The following GOLM1 variants were observed in gnomAD, a reference collection of about 807,000 sequenced individuals.
The protein encoded by GOLM1 is epididymis luminal protein 46.
A neutral mutation model predicts 50.5 loss-of-function variants in GOLM1; 31 were observed. That is an observed-to-expected ratio of 0.61 (90% CI 0.46 to 0.83). The LOEUF (loss-of-function observed/expected upper bound fraction) is 0.83, where lower values mean the gene tolerates loss of function less well. Among genes scored for constraint, GOLM1 ranks in the 40% least tolerant of loss-of-function variants. The pLI is 0.00. For missense variants in GOLM1, 491 were observed against 501.3 expected, an observed-to-expected ratio of 0.98 and a Z score of 0.20; for synonymous variants, 178 against 192.8, an observed-to-expected ratio of 0.92 and a Z score of 0.64.
intron 1 of GOLM1, among the ~76,000 whole-genome samples, chr9:86,086,763 A>G (rs1372915624): frequency 6.6e-6 from 1 of 152,132 alleles, no homozygotes; most frequent in Non-Finnish European, 1.5e-5. Flanking sequence ...AGATGGTTGT[A>G]GATGTGTGGC....
At chr9:86,084,434 C>CTCCT (rs1834886175) in intron 1 of GOLM1, among the ~76,000 whole-genome samples, 1 of 152,134 alleles carries the variant, frequency 6.6e-6, no homozygotes, top group African/African-American at 2.4e-5. Flanking sequence ...CCTCTACAGC[C>CTCCT]TCCTGCCAGG....
intron 3 of GOLM1, among the ~76,000 whole-genome samples, chr9:86,077,109 G>A (rs1169116110): frequency 6.6e-6 from 1 of 151,930 alleles, no homozygotes; most frequent in Non-Finnish European, 1.5e-5. Context: ...TTTAATACAT[G>A]TTTGTGGAAA....
intron 1 of GOLM1, among the ~76,000 whole-genome samples, chr9:86,081,875 C>T (rs979374382): frequency 3.6e-4 from 53 of 148,260 alleles, no homozygotes; most frequent in Non-Finnish European, 5.9e-4. Flanking sequence ...GGCGACAGAG[C>T]GAGACTCTGA....
In GOLM1 at chr9:86,035,513, G is replaced by C. The variant is rs143510742; in HGVS notation, c.870C>G (p.Phe290Leu). 6.8e-6 allele frequency: 11 copies of C among 1,612,526 alleles called. No homozygotes were observed. Among genetic ancestry groups the C allele is most frequent in the Non-Finnish European group, 9.3e-6 (11 of 1,179,944 alleles). Reference sequence around the variant, plus strand: ...TCTGGCCCAGTTCTCCGGCTCCCCCGAAGCCTCTTCCACCTACAGGTCTGT... The same window carrying C: ...TCTGGCCCAGTTCTCCGGCTCCCCCCAAGCCTCTTCCACCTACAGGTCTGT... ...VEDRPVGGRG[F>L]GGAGELGQTP... Residue 290 changes from phenylalanine to leucine, a missense_variant, in exon 8 of 10, where the codon TTC (phenylalanine) becomes TTG (leucine). Coordinates refer to ENST00000388712, the MANE Select transcript of GOLM1 (RefSeq NM_016548.4).
chr9:86,099,107 G>A (rs891930273), intron 1 of GOLM1, among the ~76,000 whole-genome samples: 2 of 152,186 alleles, frequency 1.3e-5, no homozygotes, highest in Non-Finnish European at 2.9e-5. Flanking sequence ...GACAGGCCCC[G>A]CATCGCCTGA....
intron 1 of GOLM1, among the ~76,000 whole-genome samples, chr9:86,081,938 A>G (rs72746701): frequency 0.47 from 69,940 of 149,818 alleles, 17,250 homozygotes; most frequent in Non-Finnish European, 0.56. Context: ...TCCTACTCCA[A>G]AGGAAAGGGA....
chr9:86,034,504 C>T (rs1833075438), intron 8 of GOLM1, among the ~76,000 whole-genome samples: 1 of 152,122 alleles, frequency 6.6e-6, no homozygotes, highest in South Asian at 2.1e-4. Flanking sequence ...ACAGGCTGAG[C>T]GAGCCAGTGA....
At chr9:86,045,165 T>C (rs1833495709) in intron 5 of GOLM1, among the ~76,000 whole-genome samples, 1 of 149,854 alleles carries the variant, frequency 6.7e-6, no homozygotes, top group Non-Finnish European at 1.5e-5. Flanking sequence ...GGTCAGGAGT[T>C]TGAGACCAGC....
chr9:86,058,561 T>A (rs1396918193), intron 3 of GOLM1, among the ~76,000 whole-genome samples: 2 of 151,324 alleles, frequency 1.3e-5, no homozygotes, highest in Non-Finnish European at 2.9e-5. Context: ...CCAGGCATGG[T>A]GGTATGTGCC....
chr9:86,026,571 C>T lies in GOLM1; in HGVS notation c.*1246G>A. ...GGGTTGGATCAAACGATCTCTGGGG[C>T]CTTAGCATCTCAAATCCTGTGGATC... On this transcript the variant is annotated 3_prime_UTR_variant, in exon 10 of 10. Coordinates refer to ENST00000388712, the MANE Select transcript of GOLM1 (RefSeq NM_016548.4). The T allele has an allele frequency of 2.2e-6, 2 of 924,140 alleles. No individual in the cohort carries two copies. Among genetic ancestry groups the T allele is most frequent in the African/African-American group, 1.8e-5 (1 of 56,122 alleles). The allele number at this position is 924,140 out of a possible 1,614,324, so 57.2% of individuals were successfully genotyped here. A position where few individuals can be genotyped will look rare whatever the true frequency, so the allele number is the denominator to read the frequency against.
Position 86,055,009 on chromosome 9 carries a change from T to C in GOLM1, c.310-2418A>G, listed in dbSNP as rs527666185. On this transcript the variant is annotated intron_variant, in intron 3 of 9. Coordinates refer to ENST00000388712, the MANE Select transcript of GOLM1 (RefSeq NM_016548.4). ...TGGACGATGGCAAGCACAGTGCCTC[T>C]TCCTCCTCTGGGACCTTTCTATGCA... Among the ~76,000 whole-genome samples the C allele has an allele frequency of 1.6e-4, 25 of 152,318 alleles. No individual in the cohort carries two copies. In the South Asian group the frequency reaches 5.0e-3, roughly 30 times the overall value.
At chr9:86,059,597 G>T (rs1461531739) in intron 3 of GOLM1, among the ~76,000 whole-genome samples, 6 of 152,072 alleles carry the variant, frequency 3.9e-5, no homozygotes, top group African/African-American at 1.2e-4. Context: ...TCTTTGTGGG[G>T]TGATAAAAAT....
intron 3 of GOLM1, among the ~76,000 whole-genome samples, chr9:86,065,416 G>A (rs1405626886): frequency 1.3e-5 from 2 of 152,196 alleles, no homozygotes; most frequent in Non-Finnish European, 2.9e-5. Flanking sequence ...CAATCACAGC[G>A]ATTAAAGGTG....
At position 86,035,562 on chromosome 9, in the gene GOLM1, G is replaced by C. The variant is rs556407951; in HGVS notation, c.821C>G (p.Pro274Arg). 1.4e-5 allele frequency: 22 copies of C among 1,609,548 alleles called. No homozygotes were observed. The African/African-American group carries it at 2.3e-4, about 17-fold the overall frequency. The change falls in exon 8 of 10, where the codon CCA becomes CGA. Residue 274 changes from proline to arginine, a missense_variant. Transcript: ENST00000388712. ...EPQRDRLPQE[P>R]GREQVVEDRP... Reference sequence around the variant, plus strand: ...GTCTTCCACCACCTGCTCCCGGCCTGGCTCCTGCGGCAGCCTGTCCCTCTG... The same window carrying C: ...GTCTTCCACCACCTGCTCCCGGCCTCGCTCCTGCGGCAGCCTGTCCCTCTG...
chr9:86,026,360 T>C lies in GOLM1; in HGVS notation c.*1457A>G. 1.0e-6 allele frequency: 1 copy of C among 985,256 alleles called. No individual in the cohort carries two copies. 61.0% of individuals were successfully genotyped at this position (985,256 alleles called of 1,614,324 possible). A position where few individuals can be genotyped will look rare whatever the true frequency, so the allele number is the denominator to read the frequency against. On this transcript the variant is annotated 3_prime_UTR_variant, in exon 10 of 10. Transcript: ENST00000388712. ...GGTGGGAAAGTTTAACCTTAGTGAC[T>C]AAGGACATCACATATGAAGAATGTT...
chr9:86,088,160 A>C (rs7866373), intron 1 of GOLM1, among the ~76,000 whole-genome samples: 36,505 of 151,588 alleles, frequency 0.24, 7,470 homozygotes, highest in African/African-American at 0.54. Context: ...TTCCTGGTTT[A>C]ATCTTGGGAG....
At chr9:86,051,622 C>T (rs1054326872) in intron 4 of GOLM1, among the ~76,000 whole-genome samples, 4 of 152,132 alleles carry the variant, frequency 2.6e-5, no homozygotes, top group Non-Finnish European at 2.9e-5. Context: ...ATCACCACGG[C>T]GCACAAGCAA....
At chr9:86,071,923 C>T (rs1348026414) in intron 3 of GOLM1, among the ~76,000 whole-genome samples, 1 of 151,948 alleles carries the variant, frequency 6.6e-6, no homozygotes, top group East Asian at 1.9e-4. Context: ...GAAACAAAGG[C>T]TTACAATAAG....
intron 9 of GOLM1, among the ~76,000 whole-genome samples, chr9:86,030,820 T>A (rs1832952912): frequency 6.6e-6 from 1 of 152,222 alleles, no homozygotes; most frequent in African/African-American, 2.4e-5. Flanking sequence ...ACAGAAATTT[T>A]TTGCTTTTTA....
Sources: gnomAD v4.1 joint callset for allele counts (sites outside exome capture counted in the v4.1 genomes callset) on GRCh38, gnomAD v4.1.1 for gene constraint, MANE v1.5 for transcripts, NCBI Gene and HGNC (gene_info 2026-07-23, HGNC 2026-07-21) for gene names.